Variants in STK24 observed in about 807,000 individuals in gnomAD.
STK24 encodes serine/threonine-protein kinase 24.
STK24 carries 21 observed loss-of-function variants against 55.6 expected under a neutral mutation model. The ratio of observed to expected loss-of-function variants is 0.38; its 90% CI spans 0.27 to 0.54. The LOEUF is 0.54. STK24 is among the 20% of genes least tolerant of loss of function. STK24 has a pLI of 0.79. For missense variants in STK24, 383 were observed against 538.4 expected (o/e 0.71, Z 2.86); for synonymous variants, 200 against 215.2 (o/e 0.93, Z 0.62).
At chr13:98,516,755 A>T (rs903382852) in intron 2 of STK24, among the ~76,000 whole-genome samples, 1 of 152,230 alleles carries the variant, frequency 6.6e-6, no homozygotes, top group Non-Finnish European at 1.5e-5. Flanking sequence ...CTGAAGGAAA[A>T]CAGCCCACGG....
chr13:98,447,910 C>T lies in STK24; in HGVS notation c.*5263G>A. ...CTAAGCAGGATGGGACACGTCCCGC[C>T]ATTCTCTGCCATGTCCATGAAAATA... is the stretch of plus-strand genomic sequence containing the variant. On this transcript the variant is annotated 3_prime_UTR_variant, in exon 11 of 11. Transcript: ENST00000539966. 1 of 367,686 alleles carries T rather than the reference C, an allele frequency of 2.7e-6. No homozygotes were observed. The highest frequency in any genetic ancestry group is 5.0e-6 in the Non-Finnish European group (1 of 200,672). The allele number at this position is 367,686 out of a possible 1,614,324, so 22.8% of individuals were successfully genotyped here.
intron 2 of STK24, among the ~76,000 whole-genome samples, chr13:98,512,567 GTAAGT>G (rs1387925966): frequency 1.3e-4 from 16 of 120,926 alleles, no homozygotes; most frequent in East Asian, 2.4e-4. Flanking sequence ...CACACACAAA[GTAAGT>G]TTTTTTTTTT....
intron 1 of STK24, among the ~76,000 whole-genome samples, chr13:98,534,852 CAG>C (rs1161467299): frequency 6.6e-5 from 10 of 152,368 alleles, no homozygotes; most frequent in Admixed American, 2.0e-4. Context: ...TCCAAATTTT[CAG>C]AGAGGCTGAT....
chr13:98,446,660 T>A lies in STK24; in HGVS notation c.*6513A>T. The A allele has an allele frequency of 6.2e-7, 1 of 1,614,034 alleles. No individual in the cohort carries two copies. The highest frequency in any genetic ancestry group is 1.1e-5 in the South Asian group (1 of 91,064). On this transcript the variant is annotated 3_prime_UTR_variant, in exon 11 of 11. Transcript: ENST00000539966. ...AAAGCCACTTTGCTTTGTTTCCCCT[T>A]TCCAGGACAATCATCCCCTTGCCAG... is the stretch of plus-strand genomic sequence containing the variant.
chr13:98,483,162 G>A (rs894104688), intron 2 of STK24, among the ~76,000 whole-genome samples: 3 of 152,360 alleles, frequency 2.0e-5, no homozygotes, highest in Admixed American at 2.0e-4. Flanking sequence ...GGGGCAGCCT[G>A]GGCAGGGTCT....
chr13:98,445,880 A>G lies in STK24; in HGVS notation c.*7293T>C, dbSNP rs1892802857. 1 of 512,142 alleles carries G rather than the reference A, an allele frequency of 2.0e-6. No homozygotes were observed. The highest frequency in any genetic ancestry group is 3.6e-5 in the Admixed American group (1 of 27,882). 31.7% of individuals were successfully genotyped at this position (512,142 alleles called of 1,614,324 possible). ...ACGTGTCTTTTGGGGGGACACAGGG[A>G]CCCCAAGATGCCCCACAGCAAGTGA... is the stretch of plus-strand genomic sequence containing the variant. On this transcript the variant is annotated 3_prime_UTR_variant, in exon 11 of 11. Coordinates refer to ENST00000539966, the MANE Select transcript of STK24 (RefSeq NM_001032296.4).
chr13:98,571,940 G>A (rs1897751107), intron 1 of STK24, among the ~76,000 whole-genome samples: 1 of 152,124 alleles, frequency 6.6e-6, no homozygotes, highest in African/African-American at 2.4e-5. Flanking sequence ...GAGAAAGCAG[G>A]AGCCCCAAAG....
chr13:98,448,301 A>T lies in STK24; in HGVS notation c.*4872T>A. On this transcript the variant is annotated 3_prime_UTR_variant, in exon 11 of 11. Coordinates refer to ENST00000539966, the MANE Select transcript of STK24 (RefSeq NM_001032296.4). Reference sequence around the variant, plus strand: ...CGACCCCACGTGTTGAGTCACAAAGAGTCTCTTGTGTATTGATGGCCGGAC... The same window carrying T: ...CGACCCCACGTGTTGAGTCACAAAGTGTCTCTTGTGTATTGATGGCCGGAC... 1 of 1,613,348 alleles carries T rather than the reference A, an allele frequency of 6.2e-7. No individual in the cohort carries two copies.
rs150162241 is a variant in STK24, at chr13:98,502,445, C to T, written c.273+16798G>A. Among the ~76,000 whole-genome samples the T allele has an allele frequency of 7.8e-3, 1,192 of 152,242 alleles. 15 individuals are homozygous for T. The highest frequency in any genetic ancestry group is 0.027 in the African/African-American group (1,133 of 41,526). ...AATGACTTCCACAGTCATAATGCTA[C>T]GATTTGAATGTGTCCCCCAAAATTC... On this transcript the variant is annotated intron_variant, in intron 2 of 10. Transcript: ENST00000539966.
intron 1 of STK24, among the ~76,000 whole-genome samples, chr13:98,548,411 G>A (rs1042698803): frequency 6.6e-6 from 1 of 152,128 alleles, no homozygotes; most frequent in African/African-American, 2.4e-5. Context: ...CAAGTGACAG[G>A]CACACCCAGT....
At chr13:98,482,128 T>C (rs994987443) in intron 3 of STK24, 137 bp downstream of exon 3, 1 of 454,288 alleles carries the variant, frequency 2.2e-6, no homozygotes, top group Admixed American at 4.2e-5. Flanking sequence ...AAAAAACACG[T>C]AAGGAATAGT....
chr13:98,536,061 C>T (rs574136448), intron 1 of STK24, among the ~76,000 whole-genome samples: 2 of 152,198 alleles, frequency 1.3e-5, no homozygotes, highest in African/African-American at 4.8e-5. Flanking sequence ...TTAGAGGCCT[C>T]GAAGGGGAAA....
intron 1 of STK24, among the ~76,000 whole-genome samples, chr13:98,531,591 A>C (rs527468768): frequency 1.3e-5 from 2 of 152,306 alleles, no homozygotes; most frequent in East Asian, 3.9e-4. Context: ...AGAACCGGAG[A>C]AACATCAAGC....
At chr13:98,484,297 C>T (rs1293282479) in intron 2 of STK24, among the ~76,000 whole-genome samples, 2 of 152,222 alleles carry the variant, frequency 1.3e-5, no homozygotes, top group African/African-American at 4.8e-5. Flanking sequence ...ATCTAAATCG[C>T]TTTTCCCTAA....
intron 5 of STK24, among the ~76,000 whole-genome samples, chr13:98,469,537 C>G (rs1429512534): frequency 7.5e-6 from 1 of 134,180 alleles, no homozygotes; most frequent in African/African-American, 2.6e-5. Flanking sequence ...CCCTGCATCC[C>G]CCCCCCCAAA....
intron 6 of STK24, among the ~76,000 whole-genome samples, chr13:98,465,999 T>C (rs1407651358): frequency 2.0e-5 from 3 of 152,222 alleles, no homozygotes; most frequent in African/African-American, 7.2e-5. Flanking sequence ...GTGAAAACAT[T>C]TACTTTAAAG....
At chr13:98,534,626 A>G (rs1392070083) in intron 1 of STK24, among the ~76,000 whole-genome samples, 1 of 152,206 alleles carries the variant, frequency 6.6e-6, no homozygotes, top group Non-Finnish European at 1.5e-5. Flanking sequence ...AACTAAGATC[A>G]GTGCTTGGAA....
In STK24 at chr13:98,446,583, C is replaced by T; in HGVS notation, c.*6590G>A. 6.9e-7 allele frequency: 1 copy of T among 1,451,172 alleles called. No individual in the cohort carries two copies. Among genetic ancestry groups the T allele is most frequent in the Admixed American group, 1.7e-5 (1 of 57,862 alleles). The allele number at this position is 1,451,172 out of a possible 1,614,324, so 89.9% of individuals were successfully genotyped here. A position where few individuals can be genotyped will look rare whatever the true frequency, so the allele number is the denominator to read the frequency against. ...GAGGGAGCTGCCTGGGCTCCCAAGTCCCTGTCTGATGCGGGGCAGCAGCCA... is the reference window on the plus strand; with the variant it reads ...GAGGGAGCTGCCTGGGCTCCCAAGTTCCTGTCTGATGCGGGGCAGCAGCCA... On this transcript the variant is annotated 3_prime_UTR_variant, in exon 11 of 11. Transcript: ENST00000539966.
chr13:98,555,039 G>GA (rs113080037), intron 1 of STK24, among the ~76,000 whole-genome samples: 1 of 142,532 alleles, frequency 7.0e-6, no homozygotes, highest in Non-Finnish European at 1.5e-5. Context: ...AAAAAAGAAA[G>GA]AAAAAATAGT....
Sources: allele counts gnomAD v4.1 joint callset (sites outside exome capture counted in the v4.1 genomes callset), GRCh38; gene constraint gnomAD v4.1.1; transcripts MANE v1.5; gene names NCBI Gene and HGNC (gene_info 2026-07-23, HGNC 2026-07-21).